CRB1: variants seen among roughly 807,000 people sequenced by gnomAD.
The protein encoded by CRB1 is crumbs cell polarity complex component 1, also known as protein crumbs homolog 1.
Under a neutral mutation model 120.0 loss-of-function variants are expected in CRB1, and 83 were observed. The ratio of observed to expected loss-of-function variants is 0.69; its 90% CI spans 0.58 to 0.83. The LOEUF (loss-of-function observed/expected upper bound fraction) is 0.83. Ranked by LOEUF, CRB1 falls within the 40% of genes least tolerant of loss-of-function variation. The pLI, the probability that CRB1 is intolerant of heterozygous loss-of-function variation, is 0.00. For missense variants in CRB1, 1,699 were observed against 1,687.6 expected (o/e 1.01, Z -0.12); for synonymous variants, 625 against 612.5 (o/e 1.02, Z -0.30).
At chr1:197,458,181 A>G (rs917255871) in intron 11 of CRB1, among the ~76,000 whole-genome samples, 1 of 152,026 alleles carries the variant, frequency 6.6e-6, no homozygotes, top group Non-Finnish European at 1.5e-5. Context: ...GCCCTAAGCA[A>G]TGAGAGCAGA....
At chr1:197,252,582 A>ATATATATATTTGTG in the CRB1 span, among the ~76,000 whole-genome samples, 1 of 15,506 alleles carries the variant, frequency 6.4e-5, no homozygotes, top group East Asian at 5.2e-3. Flanking sequence ...ATATATATAT[A>ATATATATATTTGTG]TGTGTGTGTG....
At chr1:197,450,681 C>A (rs1467079946) in intron 11 of CRB1, among the ~76,000 whole-genome samples, 1 of 149,582 alleles carries the variant, frequency 6.7e-6, no homozygotes, top group African/African-American at 2.5e-5. Flanking sequence ...TGGCTCATGC[C>A]TGTAATCCCA....
chr1:197,205,115 T>C, the CRB1 span, among the ~76,000 whole-genome samples: 1 of 152,240 alleles, frequency 6.6e-6, no homozygotes, highest in Non-Finnish European at 1.5e-5. Flanking sequence ...TAATTTTATA[T>C]CCTAAAACTT....
intron 1 of CRB1, among the ~76,000 whole-genome samples, chr1:197,278,920 A>C (rs1376069955): frequency 1.3e-5 from 2 of 151,946 alleles, no homozygotes; most frequent in Admixed American, 6.6e-5. Context: ...TTTTTGCCTA[A>C]GAAAATCATC....
At chr1:197,215,177 A>T in the CRB1 span, among the ~76,000 whole-genome samples, 1 of 152,104 alleles carries the variant, frequency 6.6e-6, no homozygotes. Flanking sequence ...CAGCATAATA[A>T]TGGCCATTGG....
chr1:197,396,073 A>G (rs900763011), intron 5 of CRB1, among the ~76,000 whole-genome samples: 3 of 152,192 alleles, frequency 2.0e-5, no homozygotes, highest in Admixed American at 2.0e-4. Flanking sequence ...AACAGATGAC[A>G]TGATTGTTTA....
intron 1 of CRB1, among the ~76,000 whole-genome samples, chr1:197,316,582 A>G (rs1657859784): frequency 6.6e-6 from 1 of 152,262 alleles, no homozygotes; most frequent in African/African-American, 2.4e-5. Flanking sequence ...AGTGAATATT[A>G]AGAGACGAAG....
intron 5 of CRB1, among the ~76,000 whole-genome samples, chr1:197,400,251 T>A (rs1662990334): frequency 6.6e-6 from 1 of 151,628 alleles, no homozygotes; most frequent in Admixed American, 6.6e-5. Flanking sequence ...TGGTGGTGCA[T>A]CCTTCACAGC....
intron 5 of CRB1, among the ~76,000 whole-genome samples, chr1:197,419,071 A>G (rs1664151453): frequency 6.6e-6 from 1 of 152,208 alleles, no homozygotes; most frequent in Non-Finnish European, 1.5e-5. Context: ...GAATATTTAC[A>G]TGTCTTAACT....
chr1:197,397,699 A>G (rs1662841872), intron 5 of CRB1, among the ~76,000 whole-genome samples: 1 of 152,192 alleles, frequency 6.6e-6, no homozygotes, highest in Non-Finnish European at 1.5e-5. Context: ...AAGTGAAAGT[A>G]GCAAGGTTCA....
chr1:197,317,589 C>G (rs950692376), intron 1 of CRB1, among the ~76,000 whole-genome samples: 1 of 152,040 alleles, frequency 6.6e-6, no homozygotes, highest in African/African-American at 2.4e-5. Flanking sequence ...GACCTGACTT[C>G]AAAATATACC....
At position 197,421,621 on chromosome 1, in the gene CRB1, C is replaced by T. The variant is rs1314024688; in HGVS notation, c.1793C>T (p.Pro598Leu). 2 of 1,614,188 alleles carry T rather than the reference C, an allele frequency of 1.2e-6. No individual in the cohort carries two copies. Among genetic ancestry groups the T allele is most frequent in the Non-Finnish European group, 1.7e-6 (2 of 1,180,026 alleles). ...KEKCIAKAPT[P>L]LESDQSICAF... ...AAATGCATCGCGAAAGCTCCTACTC[C>T]ACTTGAAAGTGATCAATCAATATGT... The change falls in exon 6 of 12, where the codon CCA becomes CTA. Residue 598 changes from proline to leucine, a missense_variant. Coordinates refer to ENST00000367400, the MANE Select transcript of CRB1 (RefSeq NM_201253.3).
At chr1:197,331,545 A>G (rs1300850256) in intron 2 of CRB1, among the ~76,000 whole-genome samples, 1 of 152,088 alleles carries the variant, frequency 6.6e-6, no homozygotes, top group East Asian at 1.9e-4. Flanking sequence ...GAATTTCAAT[A>G]TTTTTTAAAT....
upstream of CRB1, among the ~76,000 whole-genome samples, chr1:197,266,070 T>C (rs1240815092): frequency 6.6e-6 from 1 of 152,190 alleles, no homozygotes; most frequent in African/African-American, 2.4e-5. Flanking sequence ...ATATTTCTAG[T>C]TTCTTGATTT....
chr1:197,274,058 T>G (rs1388569608), intron 1 of CRB1, among the ~76,000 whole-genome samples: 4 of 150,154 alleles, frequency 2.7e-5, no homozygotes. Context: ...TGTAAATCTG[T>G]GTCTGTCTGT....
chr1:197,370,174 A>G (rs751579527), intron 5 of CRB1, among the ~76,000 whole-genome samples: 2 of 152,176 alleles, frequency 1.3e-5, no homozygotes, highest in Non-Finnish European at 1.5e-5. Context: ...CAGAACTTCA[A>G]AATACACCAA....
the CRB1 span, among the ~76,000 whole-genome samples, chr1:197,206,291 T>C: frequency 4.6e-5 from 7 of 152,184 alleles, no homozygotes; most frequent in Admixed American, 3.9e-4. Context: ...TTTCTTCTGC[T>C]GGGTTTAGGT....
chr1:197,477,532 C>G (rs1343218400), intron 11 of CRB1, 132 bp from the exon 12 acceptor site: 2 of 769,918 alleles, frequency 2.6e-6, no homozygotes, highest in Non-Finnish European at 4.6e-6. Context: ...CTTTTAATAC[C>G]TTGGTCTTTT....
chr1:197,342,124 A>C (rs1659500595), intron 2 of CRB1, among the ~76,000 whole-genome samples: 1 of 152,220 alleles, frequency 6.6e-6, no homozygotes, highest in Admixed American at 6.5e-5. Flanking sequence ...TGAGCTTCTT[A>C]TTCTCAGTCA....
Sources: gnomAD v4.1 joint callset for allele counts (sites outside exome capture counted in the v4.1 genomes callset) on GRCh38, gnomAD v4.1.1 for gene constraint, MANE v1.5 for transcripts, NCBI Gene and HGNC (gene_info 2026-07-23, HGNC 2026-07-21) for gene names.